The following NUAK1 variants were observed in gnomAD, a reference collection of about 807,000 sequenced individuals.
NUAK1 encodes the protein NUAK family kinase 1.
NUAK1 carries 26 observed loss-of-function variants against 56.9 expected under a neutral mutation model. That is an observed-to-expected ratio of 0.46 (90% CI 0.33 to 0.63). The LOEUF (loss-of-function observed/expected upper bound fraction) is 0.63. Ranked by LOEUF, NUAK1 falls within the 30% of genes least tolerant of loss-of-function variation. NUAK1 has a pLI of 0.02. For missense variants in NUAK1, 727 were observed against 876.1 expected, an observed-to-expected ratio of 0.83 and a Z score of 2.15; for synonymous variants, 337 against 336.0, an observed-to-expected ratio of 1.00 and a Z score of -0.03.
At chr12:106,117,378 C>A (rs1051292548) in intron 1 of NUAK1, among the ~76,000 whole-genome samples, 1 of 152,216 alleles carries the variant, frequency 6.6e-6, no homozygotes. Context: ...CTTTCTCACA[C>A]TCCTAAATAA....
At chr12:106,128,792 C>G (rs374620756) in intron 1 of NUAK1, among the ~76,000 whole-genome samples, 112 of 152,324 alleles carry the variant, frequency 7.4e-4, no homozygotes, top group African/African-American at 2.6e-3. Flanking sequence ...ACAGCCTCCA[C>G]TTAGCGCCTT....
chr12:106,125,461 T>G (rs2033017171), intron 1 of NUAK1, among the ~76,000 whole-genome samples: 1 of 152,196 alleles, frequency 6.6e-6, no homozygotes, highest in Non-Finnish European at 1.5e-5. Context: ...TCTGTGACTT[T>G]GGGCAAGTCA....
chr12:106,125,019 T>TAAATAAATAAAC (rs2033012532), intron 1 of NUAK1, among the ~76,000 whole-genome samples: 1 of 151,582 alleles, frequency 6.6e-6, no homozygotes, highest in African/African-American at 2.4e-5. Flanking sequence ...AATAAATAAA[T>TAAATAAATAAAC]AAATAAATAA....
intron 2 of NUAK1, among the ~76,000 whole-genome samples, chr12:106,098,959 T>C (rs918592208): frequency 6.6e-6 from 1 of 152,234 alleles, no homozygotes; most frequent in Non-Finnish European, 1.5e-5. Flanking sequence ...GCTGAGAGAA[T>C]GGAATTCCTT....
Position 106,067,257 on chromosome 12 carries a change from T to C in NUAK1, c.1531A>G (p.Arg511Gly), listed in dbSNP as rs763685502. ...CAGGAGAGGCTGTGGGAGGTTACCC[T>C]GGCTGGGTCCGGGGGGCTGGGGGAG... ...IPSPSPPDPA[R>G]VTSHSLSCRR... The change falls in exon 7 of 7, where the codon AGG becomes GGG. Residue 511 changes from arginine to glycine, a missense_variant. Coordinates refer to ENST00000261402, the MANE Select transcript of NUAK1 (RefSeq NM_014840.3). The surrounding 1 kb of genome is among the most constrained non-coding windows in gnomAD (Gnocchi z 6.0). 2.5e-6 allele frequency: 4 copies of C among 1,613,842 alleles called. No individual in the cohort carries two copies. Among genetic ancestry groups the C allele is most frequent in the Non-Finnish European group, 1.7e-6 (2 of 1,179,910 alleles).
At chr12:106,115,251 T>C (rs778304198) in intron 1 of NUAK1, among the ~76,000 whole-genome samples, 16 of 152,218 alleles carry the variant, frequency 1.1e-4, no homozygotes, top group Non-Finnish European at 1.8e-4. Context: ...AAAAAACTTT[T>C]CTTCATTTCT....
Position 106,083,913 on chromosome 12 carries a change from C to T in NUAK1, c.530G>A (p.Arg177Gln), listed in dbSNP as rs1303995716. The T allele has an allele frequency of 2.5e-6, 4 of 1,613,968 alleles. No individual in the cohort carries two copies. The highest frequency in any genetic ancestry group is 1.1e-5 in the South Asian group (1 of 91,048). The change falls in exon 4 of 7, where the codon CGG becomes CAG. Residue 177 changes from arginine to glutamine, a missense_variant. Coordinates refer to ENST00000261402, the MANE Select transcript of NUAK1 (RefSeq NM_014840.3). The part of the protein sequence containing the change: ...HYCHKNGVVH[R>Q]DLKLENILLD... ...CAGTATATTTTCCAGCTTCAAGTCCCGGTGGACCACACCGTTCTGAAATGA... is the reference window on the plus strand; with the variant it reads ...CAGTATATTTTCCAGCTTCAAGTCCTGGTGGACCACACCGTTCTGAAATGA...
intron 1 of NUAK1, among the ~76,000 whole-genome samples, chr12:106,112,094 G>A (rs1461235018): frequency 6.6e-6 from 1 of 151,728 alleles, no homozygotes; most frequent in Non-Finnish European, 1.5e-5. Context: ...GGTCATATGT[G>A]AGGTCCCAAA....
intron 1 of NUAK1, among the ~76,000 whole-genome samples, chr12:106,133,164 A>C (rs1215281479): frequency 1.3e-5 from 2 of 152,160 alleles, no homozygotes; most frequent in Non-Finnish European, 2.9e-5. Context: ...TCCCAGCACA[A>C]ACCCTGCATT....
chr12:106,118,362 C>T (rs2032940183), intron 1 of NUAK1, among the ~76,000 whole-genome samples: 1 of 152,176 alleles, frequency 6.6e-6, no homozygotes, highest in South Asian at 2.1e-4. Flanking sequence ...TCCACTGGAC[C>T]ACGCCTGTTT....
At chr12:106,134,880 C>T (rs1335204235) in intron 1 of NUAK1, among the ~76,000 whole-genome samples, 1 of 152,150 alleles carries the variant, frequency 6.6e-6, no homozygotes, top group African/African-American at 2.4e-5. Context: ...TATGGACACA[C>T]CTCCCTAATT....
chr12:106,072,617 C>T, intron 5 of NUAK1, 107 bp downstream of exon 5: 1 of 1,291,728 alleles, frequency 7.7e-7, no homozygotes, highest in Non-Finnish European at 1.1e-6. Flanking sequence ...TCCTTGCTGG[C>T]TTTTTTAGGC....
intron 2 of NUAK1, among the ~76,000 whole-genome samples, chr12:106,098,725 T>C (rs963140705): frequency 2.6e-5 from 4 of 152,078 alleles, no homozygotes; most frequent in East Asian, 1.9e-4. Flanking sequence ...CCAGATGGGA[T>C]GCTAAAGATG....
intron 1 of NUAK1, among the ~76,000 whole-genome samples, chr12:106,132,822 A>G (rs958067444): frequency 5.3e-5 from 8 of 151,984 alleles, no homozygotes; most frequent in Admixed American, 3.9e-4. Flanking sequence ...AGCACACCAA[A>G]CTGACGGGCT....
intron 6 of NUAK1, among the ~76,000 whole-genome samples, chr12:106,068,178 AT>A (rs2032365282): frequency 6.6e-6 from 1 of 152,198 alleles, no homozygotes; most frequent in African/African-American, 2.4e-5. Flanking sequence ...CCATCACATC[AT>A]GGCATGTTTT....
At position 106,078,566 on chromosome 12, in the gene NUAK1, C is replaced by T. The variant is rs551683115; in HGVS notation, c.579+5298G>A. 4.6e-5 allele frequency among the ~76,000 whole-genome samples: 7 copies of T among 152,318 alleles called. No homozygotes were observed. In the South Asian group the frequency reaches 1.2e-3, roughly 27 times the overall value. On this transcript the variant is annotated intron_variant, in intron 4 of 6. Coordinates refer to ENST00000261402, the MANE Select transcript of NUAK1 (RefSeq NM_014840.3). ...GAAGGTACACTCCATAACTCCTTTC[C>T]GGCCTTGGAGTTGATCGCTGTGGCT...
intron 1 of NUAK1, among the ~76,000 whole-genome samples, chr12:106,132,872 T>C (rs1362785965): frequency 6.6e-6 from 1 of 152,122 alleles, no homozygotes; most frequent in East Asian, 1.9e-4. Flanking sequence ...CAGACCCCTC[T>C]AGAGGAAGAG....
chr12:106,088,989 T>C (rs1248853291), intron 2 of NUAK1, among the ~76,000 whole-genome samples: 2 of 152,102 alleles, frequency 1.3e-5, no homozygotes, highest in Non-Finnish European at 1.5e-5. Context: ...CCAGATAAAA[T>C]TGGCTGCTCC....
chr12:106,067,138 G>C lies in NUAK1; in HGVS notation c.1650C>G (p.Ser550=). 6.2e-7 allele frequency: 1 copy of C among 1,614,224 alleles called. No homozygotes were observed. The highest frequency in any genetic ancestry group is 1.1e-5 in the South Asian group (1 of 91,086). Residue 550 remains serine (S), a synonymous_variant, in exon 7 of 7, where the codon TCC becomes TCG. Coordinates refer to ENST00000261402, the MANE Select transcript of NUAK1 (RefSeq NM_014840.3). The surrounding 1 kb of genome is among the most constrained non-coding windows in gnomAD (Gnocchi z 6.0). Reference sequence around the variant, plus strand: ...CGGCAGGGACACCAGGCTCTGACAGGGATTCCAGTGTGGGCATTTCAGGGC... The same window carrying C: ...CGGCAGGGACACCAGGCTCTGACAGCGATTCCAGTGTGGGCATTTCAGGGC... The part of the protein sequence containing the change: ...LVSPEMPTLE[S]LSEPGVPAEG...
Sources: gnomAD v4.1 joint callset for allele counts (sites outside exome capture counted in the v4.1 genomes callset) on GRCh38, gnomAD v4.1.1 for gene constraint, Gnocchi (gnomAD v3.1) non-coding constraint, MANE v1.5 for transcripts, NCBI Gene and HGNC (gene_info 2026-07-23, HGNC 2026-07-21) for gene names.